Variants in NALF1 observed in about 807,000 individuals in gnomAD.
NALF1 encodes NALCN channel auxiliary factor 1.
NALF1 carries 3 observed loss-of-function variants against 48.4 expected under a neutral mutation model. The observed-to-expected ratio is 0.06, with a 90% CI of 0.03 to 0.16. NALF1 has a LOEUF of 0.16. Among genes scored for constraint, NALF1 ranks in the 10% least tolerant of loss-of-function variants. The pLI, the probability that NALF1 is intolerant of heterozygous loss-of-function variation, is 1.00. For synonymous variants in NALF1, 262 were observed against 245.7 expected (o/e 1.07, Z -0.62); for missense variants, 526 against 571.5 (o/e 0.92, Z 0.81).
intron 1 of NALF1, among the ~76,000 whole-genome samples, chr13:107,483,199 A>T (rs78123457): frequency 0.04 from 6,166 of 152,304 alleles, 177 homozygotes; most frequent in Non-Finnish European, 0.061. Flanking sequence ...AGATGAATTA[A>T]TGTTGTATGA....
chr13:107,336,457 A>G (rs906152968), intron 1 of NALF1, among the ~76,000 whole-genome samples: 2 of 152,130 alleles, frequency 1.3e-5, no homozygotes, highest in African/African-American at 4.8e-5. Context: ...TACATTCTAC[A>G]ATAGTTGAAT....
Position 107,328,025 on chromosome 13 carries a change from A to T in NALF1, c.916-117270T>A, listed in dbSNP as rs575140195. On this transcript the variant is annotated intron_variant, in intron 1 of 2. Coordinates refer to ENST00000375915, the MANE Select transcript of NALF1 (RefSeq NM_001080396.3). ...AGCCTCAACCTCCAAGGCTCAGGTG[A>T]TCCTCCCACCTCTGCCTCCCGAGTA... is the stretch of plus-strand genomic sequence containing the variant. Among the ~76,000 whole-genome samples, 6 of 151,788 alleles carry T rather than the reference A, an allele frequency of 4.0e-5. No homozygotes were observed. In the East Asian group the frequency reaches 1.2e-3, roughly 29 times the overall value.
intron 1 of NALF1, among the ~76,000 whole-genome samples, chr13:107,461,151 G>T (rs1187235515): frequency 6.6e-6 from 1 of 151,938 alleles, no homozygotes; most frequent in Non-Finnish European, 1.5e-5. Flanking sequence ...CCAAGCTATG[G>T]ATTAAACCCA....
At chr13:107,525,421 T>C (rs1002292544) in intron 1 of NALF1, among the ~76,000 whole-genome samples, 1 of 152,132 alleles carries the variant, frequency 6.6e-6, no homozygotes, top group South Asian at 2.1e-4. Context: ...TTGAGATTCA[T>C]CTATGTTGTT....
chr13:107,348,035 T>G (rs902799499), intron 1 of NALF1, among the ~76,000 whole-genome samples: 4 of 152,204 alleles, frequency 2.6e-5, no homozygotes, highest in African/African-American at 9.6e-5. Flanking sequence ...ATGGACGTTT[T>G]CCCCAAGGCA....
intron 1 of NALF1, among the ~76,000 whole-genome samples, chr13:107,692,343 A>C (rs970095447): frequency 2.6e-5 from 4 of 152,144 alleles, no homozygotes; most frequent in Admixed American, 1.3e-4. Flanking sequence ...AGTTTTTGAA[A>C]TATTAGTTCT....
intron 1 of NALF1, among the ~76,000 whole-genome samples, chr13:107,838,796 C>T (rs1031417499): frequency 1.2e-4 from 19 of 152,246 alleles, no homozygotes; most frequent in African/African-American, 4.1e-4. Context: ...GGGAGGATGG[C>T]GCAGAGCTCT....
intron 1 of NALF1, among the ~76,000 whole-genome samples, chr13:107,325,028 AC>A (rs1882325389): frequency 6.6e-6 from 1 of 152,004 alleles, no homozygotes; most frequent in African/African-American, 2.4e-5. Context: ...ATTGCAATCC[AC>A]TCCCTCCTGC....
intron 1 of NALF1, among the ~76,000 whole-genome samples, chr13:107,410,653 A>T (rs1222090772): frequency 6.6e-6 from 1 of 152,176 alleles, no homozygotes; most frequent in African/African-American, 2.4e-5. Flanking sequence ...CTTTAAAGGT[A>T]TCAGGAAGAA....
intron 1 of NALF1, among the ~76,000 whole-genome samples, chr13:107,657,825 C>T (rs7997636): frequency 0.25 from 37,886 of 152,052 alleles, 5,086 homozygotes; most frequent in Middle Eastern, 0.39. Context: ...ATTGCTCACC[C>T]ATTTACATTT....
intron 1 of NALF1, among the ~76,000 whole-genome samples, chr13:107,637,123 T>C (rs925347476): frequency 6.6e-6 from 1 of 151,954 alleles, no homozygotes; most frequent in African/African-American, 2.4e-5. Flanking sequence ...TCATAGATTA[T>C]AACACCTCAT....
At chr13:107,816,027 G>A (rs959256413) in intron 1 of NALF1, among the ~76,000 whole-genome samples, 17 of 152,084 alleles carry the variant, frequency 1.1e-4, no homozygotes, top group Non-Finnish European at 4.4e-5. Flanking sequence ...GCTTTCTTAC[G>A]GACAGAGAAA....
intron 1 of NALF1, among the ~76,000 whole-genome samples, chr13:107,448,158 T>C (rs997912276): frequency 1.3e-5 from 2 of 152,184 alleles, no homozygotes; most frequent in Admixed American, 6.5e-5. Context: ...ACATTCAGCA[T>C]GTGTCTTGAC....
chr13:107,350,102 T>C (rs1882846460), intron 1 of NALF1, among the ~76,000 whole-genome samples: 1 of 152,166 alleles, frequency 6.6e-6, no homozygotes, highest in Non-Finnish European at 1.5e-5. Context: ...GCTCAGGCGG[T>C]AATGCTCCAT....
intron 1 of NALF1, among the ~76,000 whole-genome samples, chr13:107,339,250 T>G (rs1298356069): frequency 6.6e-6 from 1 of 152,070 alleles, no homozygotes; most frequent in African/African-American, 2.4e-5. Context: ...TTCTTATTGT[T>G]TGGTTGTTAG....
intron 1 of NALF1, among the ~76,000 whole-genome samples, chr13:107,414,163 T>C (rs12870920): frequency 0.26 from 39,433 of 152,018 alleles, 5,188 homozygotes; most frequent in Middle Eastern, 0.29. Flanking sequence ...TATAAGCATA[T>C]AATCATTAAA....
At position 107,612,187 on chromosome 13, in the gene NALF1, C is replaced by A. The variant is rs9555389; in HGVS notation, c.915+253495G>T. Among the ~76,000 whole-genome samples, 2,730 of 146,766 alleles carry A rather than the reference C, an allele frequency of 0.019. 189 individuals carry two copies. In the East Asian group the frequency reaches 0.25, roughly 13 times the overall value. The stretch of plus-strand genomic sequence containing the variant: ...AGAGGAAGGAAGGAAGGAAAGAAAA[C>A]AATAATGCATGATTCCAATTATATG... On this transcript the variant is annotated intron_variant, in intron 1 of 2. Coordinates refer to ENST00000375915, the MANE Select transcript of NALF1 (RefSeq NM_001080396.3).
chr13:107,302,271 TA>T (rs1265232357), intron 1 of NALF1, among the ~76,000 whole-genome samples: 3 of 152,154 alleles, frequency 2.0e-5, no homozygotes, highest in Non-Finnish European at 4.4e-5. Context: ...CCAGCCTCCA[TA>T]ACTGTAAGAA....
At chr13:107,519,010 T>C (rs868147672) in intron 1 of NALF1, among the ~76,000 whole-genome samples, 10 of 152,094 alleles carry the variant, frequency 6.6e-5, no homozygotes, top group Admixed American at 1.3e-4. Flanking sequence ...GGCGCAACAC[T>C]CAGAGGATGT....
Sources: gnomAD v4.1 joint callset for allele counts (sites outside exome capture counted in the v4.1 genomes callset) on GRCh38, gnomAD v4.1.1 for gene constraint, MANE v1.5 for transcripts, NCBI Gene and HGNC (gene_info 2026-07-23, HGNC 2026-07-21) for gene names.